Variants in LRRC56 observed in about 807,000 individuals in gnomAD.
LRRC56 encodes the protein leucine-rich repeat-containing protein 56.
Under a neutral mutation model 47.8 loss-of-function variants are expected in LRRC56, and 41 were observed. That is an observed-to-expected ratio of 0.86 (90% confidence interval 0.67 to 1.11). The LOEUF (loss-of-function observed/expected upper bound fraction) is 1.11, where lower values mean the gene tolerates loss of function less well. LRRC56 is among the 50% of genes most tolerant of loss of function. The probability of loss-of-function intolerance (pLI) is 0.00; values close to 1 mark genes in which losing one functional copy is unlikely to be tolerated. For missense variants in LRRC56, 759 were observed against 704.2 expected (o/e 1.08, Z -0.88); for synonymous variants, 387 against 311.2 (o/e 1.24, Z -2.56).
At chr11:547,129 G>T (rs1019405079) in intron 6 of LRRC56, among the ~76,000 whole-genome samples, 3 of 151,962 alleles carry the variant, frequency 2.0e-5, no homozygotes, top group Admixed American at 6.6e-5. Context: ...CTGCACAGGA[G>T]GCTGAGGCAT....
Position 552,242 on chromosome 11 carries a change from C to T in LRRC56, c.1181+10C>T. 2 of 1,605,098 alleles carry T rather than the reference C, an allele frequency of 1.2e-6. No homozygotes were observed. The highest frequency in any genetic ancestry group is 1.7e-6 in the Non-Finnish European group (2 of 1,174,536). On this transcript the variant is annotated intron_variant, in intron 12 of 13. Coordinates refer to ENST00000270115, the MANE Select transcript of LRRC56 (RefSeq NM_198075.4). ...GGGAACATGGCGTGCGGTGGGTGTC[C>T]CTCCAGCTCTTCCACTGGGTGTGTC...
chr11:511,320 CAAAAA>C, the LRRC56 span, among the ~76,000 whole-genome samples: 3 of 78,518 alleles, frequency 3.8e-5, no homozygotes, highest in African/African-American at 1.5e-4. Flanking sequence ...GACTCCGTCT[CAAAAA>C]AAAAAAAAAA....
At chr11:544,500 C>T (rs1018303851) in intron 5 of LRRC56, among the ~76,000 whole-genome samples, 5 of 152,166 alleles carry the variant, frequency 3.3e-5, no homozygotes, top group African/African-American at 1.2e-4. Context: ...CTCTACCAGG[C>T]CCCATAGAAT....
At chr11:515,644 C>T in the LRRC56 span, among the ~76,000 whole-genome samples, 2 of 152,096 alleles carry the variant, frequency 1.3e-5, no homozygotes, top group Non-Finnish European at 2.9e-5. Flanking sequence ...TTGACACAAG[C>T]CTGGCCAACA....
At chr11:518,914 T>G in the LRRC56 span, among the ~76,000 whole-genome samples, 64 of 148,520 alleles carry the variant, frequency 4.3e-4, no homozygotes, top group African/African-American at 1.4e-3. Flanking sequence ...GGGGGGCGTG[T>G]CTCCCGGTCA....
chr11:537,623 C>G lies in LRRC56; in HGVS notation c.-422+18C>G. 6.6e-6 allele frequency: 1 copy of G among 152,388 alleles called. No homozygotes were observed. The highest frequency in any genetic ancestry group is 2.1e-4 in the South Asian group (1 of 4,830). 9.4% of individuals were successfully genotyped at this position (152,388 alleles called of 1,614,324 possible). A position where few individuals can be genotyped will look rare whatever the true frequency, so the allele number is the denominator to read the frequency against. On this transcript the variant is annotated intron_variant, in intron 1 of 13. Transcript: ENST00000270115. ...GCCCTCAGGTGAGAGCCGAGCGCAC[C>G]CTTGGGGTGGGAGCCGCAAGCCTCG...
At position 548,935 on chromosome 11, in the gene LRRC56, G is replaced by A. The variant is rs139024219; in HGVS notation, c.327-967G>A. On this transcript the variant is annotated intron_variant, in intron 6 of 13. Coordinates refer to ENST00000270115, the MANE Select transcript of LRRC56 (RefSeq NM_198075.4). ...AACATCTGTGAGTCAGAGATCAAGGGGTTTCCATTAGCTGCTCTTGAAGAA... is the reference window on the plus strand; with the variant it reads ...AACATCTGTGAGTCAGAGATCAAGGAGTTTCCATTAGCTGCTCTTGAAGAA... Among the ~76,000 whole-genome samples the A allele has an allele frequency of 3.3e-3, 509 of 152,282 alleles. 3 individuals are homozygous for A. Among genetic ancestry groups the A allele is most frequent in the African/African-American group, 0.012 (484 of 41,568 alleles).
chr11:550,660 G>C (rs150674085), intron 8 of LRRC56, among the ~76,000 whole-genome samples: 332 of 152,270 alleles, frequency 2.2e-3, no homozygotes, highest in African/African-American at 7.8e-3. Context: ...GCAGTATCTC[G>C]GGGCTCTGCG....
chr11:510,545 C>G, the LRRC56 span, among the ~76,000 whole-genome samples: 1 of 151,802 alleles, frequency 6.6e-6, no homozygotes, highest in Non-Finnish European at 1.5e-5. Flanking sequence ...CAAGACCAGC[C>G]TGACCAACAT....
the LRRC56 span, among the ~76,000 whole-genome samples, chr11:513,833 A>AC: frequency 6.6e-6 from 1 of 151,616 alleles, no homozygotes; most frequent in African/African-American, 2.4e-5. Context: ...AAAAAAAAAA[A>AC]AAAAGGAAGA....
chr11:537,032 T>G (rs1407692916), upstream of LRRC56: 5 of 152,228 alleles, frequency 3.3e-5, no homozygotes, highest in Non-Finnish European at 7.3e-5. Flanking sequence ...GCGTCCGGTG[T>G]GTGTTTCCTG....
At chr11:518,196 T>C in the LRRC56 span, among the ~76,000 whole-genome samples, 27 of 152,030 alleles carry the variant, frequency 1.8e-4, no homozygotes, top group African/African-American at 6.3e-4. Flanking sequence ...AATTTTTTTT[T>C]TTTTGAGATG....
intron 3 of LRRC56, 90 bp from the exon 4 acceptor site, chr11:540,584 G>T (rs11246178): frequency 1.8e-6 from 2 of 1,119,560 alleles, no homozygotes; most frequent in Admixed American, 5.0e-5. Flanking sequence ...TGACGGGGGC[G>T]GGGGGTTGAG....
the LRRC56 span, among the ~76,000 whole-genome samples, chr11:519,020 C>T: frequency 6.6e-6 from 1 of 152,302 alleles, no homozygotes; most frequent in Non-Finnish European, 1.5e-5. Flanking sequence ...ACGGGGGAGG[C>T]TTCTCCGAAA....
the LRRC56 span, among the ~76,000 whole-genome samples, chr11:525,551 GAAAA>G: frequency 8.1e-6 from 1 of 122,840 alleles, no homozygotes; most frequent in Non-Finnish European, 1.7e-5. Context: ...CTGTCTCAAA[GAAAA>G]AAAAAAAAAT....
chr11:551,101 C>T, intron 8 of LRRC56, 30 bp from the exon 9 acceptor site: 2 of 1,235,418 alleles, frequency 1.6e-6, no homozygotes, highest in Non-Finnish European at 2.2e-6. Context: ...CCCAGACCTG[C>T]CCTCCCTCCC....
At chr11:535,893 C>T (rs1401223711), upstream of LRRC56, among the ~76,000 whole-genome samples, 1 of 152,164 alleles carries the variant, frequency 6.6e-6, no homozygotes, top group Non-Finnish European at 1.5e-5. Flanking sequence ...GAACCCGACT[C>T]AGCGGTGCCG....
chr11:534,767 G>C (rs1447862894), upstream of LRRC56, among the ~76,000 whole-genome samples: 1 of 152,234 alleles, frequency 6.6e-6, no homozygotes, highest in Non-Finnish European at 1.5e-5. Context: ...GCCCGGGCAG[G>C]CTAGTGCCAG....
chr11:533,953 G>A (rs1851288449), upstream of LRRC56: 7 of 1,609,288 alleles, frequency 4.3e-6, no homozygotes, highest in Non-Finnish European at 5.1e-6. Context: ...TCCTGCAGGA[G>A]GACAGGGCTC....
Sources: allele counts gnomAD v4.1 joint callset (sites outside exome capture counted in the v4.1 genomes callset), GRCh38; gene constraint gnomAD v4.1.1; transcripts MANE v1.5; gene names NCBI Gene and HGNC (gene_info 2026-07-23, HGNC 2026-07-21).